Variants in CALN1 observed in about 807,000 individuals in gnomAD.
CALN1 encodes the protein calcium-binding protein 8.
In CALN1, 17 loss-of-function variants were observed where a neutral mutation model predicts 30.6. The observed-to-expected ratio is 0.56, with a 90% CI of 0.38 to 0.83. The LOEUF is 0.83. Among genes scored for constraint, CALN1 ranks in the 40% least tolerant of loss-of-function variants. The probability of loss-of-function intolerance (pLI) is 0.00; values close to 1 mark genes in which losing one functional copy is unlikely to be tolerated. For missense variants in CALN1, 291 were observed against 354.9 expected (o/e 0.82, Z 1.45); for synonymous variants, 156 against 131.4 (o/e 1.19, Z -1.28).
chr7:72,205,195 T>G lies in CALN1; in HGVS notation c.244+73491A>C, dbSNP rs545034786. Among the ~76,000 whole-genome samples, 9 of 152,026 alleles carry G rather than the reference T, an allele frequency of 5.9e-5. No homozygotes were observed. In the South Asian group the frequency reaches 1.9e-3, roughly 32 times the overall value. On this transcript the variant is annotated intron_variant, in intron 3 of 6. Coordinates refer to ENST00000395275, the MANE Select transcript of CALN1 (RefSeq NM_031468.4). ...CTTTCCTCAGTTTTTTTGTTTTTATTTTTGCTTTTCTTTTGTTTTGTTTTT... is the reference window on the plus strand; with the variant it reads ...CTTTCCTCAGTTTTTTTGTTTTTATGTTTGCTTTTCTTTTGTTTTGTTTTT...
intron 4 of CALN1, among the ~76,000 whole-genome samples, chr7:72,032,158 A>C (rs943670477): frequency 6.9e-6 from 1 of 145,378 alleles, no homozygotes; most frequent in African/African-American, 2.6e-5. Flanking sequence ...TCCTGGGTTC[A>C]CGCCATTCTC....
chr7:71,941,407 C>G (rs10271976), intron 5 of CALN1, among the ~76,000 whole-genome samples: 1 of 151,420 alleles, frequency 6.6e-6, no homozygotes, highest in Non-Finnish European at 1.5e-5. Flanking sequence ...AGTTAACTGA[C>G]GGGGGGAAGA....
intron 4 of CALN1, among the ~76,000 whole-genome samples, chr7:72,041,961 T>C (rs1802159015): frequency 6.6e-6 from 1 of 152,204 alleles, no homozygotes; most frequent in South Asian, 2.1e-4. Context: ...CCATTAAAGC[T>C]ATTTCCTTTA....
chr7:72,182,424 A>G (rs1789877845), intron 3 of CALN1, among the ~76,000 whole-genome samples: 1 of 152,218 alleles, frequency 6.6e-6, no homozygotes, highest in South Asian at 2.1e-4. Context: ...TTAAAAGATG[A>G]CTGAAATTCA....
rs1399906310 is a variant in CALN1 at position 72,147,833 on chromosome 7, TA to T, written c.245-41540del. Among the ~76,000 whole-genome samples the T allele has an allele frequency of 8.7e-5, 13 of 149,276 alleles. No homozygotes were observed. The South Asian group carries it at 2.3e-3, about 27-fold the overall frequency. On this transcript the variant is annotated intron_variant, in intron 3 of 6. Coordinates refer to ENST00000395275, the MANE Select transcript of CALN1 (RefSeq NM_031468.4). ...TGAAGCTGGAAACCATCATTCTCAG[TA>T]AACTATCGCAAGGACAAAAAACCAA...
intron 5 of CALN1, among the ~76,000 whole-genome samples, chr7:71,922,208 ACTTAT>A (rs1298894604): frequency 1.3e-5 from 2 of 152,192 alleles, no homozygotes; most frequent in African/African-American, 2.4e-5. Context: ...TCTTTTAATT[ACTTAT>A]CTTGTCTCTT....
At chr7:72,336,920 C>T in intron 2 of CALN1, 3 of 984,324 alleles carry the variant, frequency 3.0e-6, no homozygotes, top group Non-Finnish European at 3.6e-6. Flanking sequence ...CCGCTCCCCA[C>T]GCGCGCGCCG....
chr7:71,971,953 A>AAAAGAAAG (rs61083921), intron 5 of CALN1, among the ~76,000 whole-genome samples: 3,444 of 72,398 alleles, frequency 0.048, 111 homozygotes, highest in East Asian at 0.11. Context: ...AAAAAAAAAA[A>AAAAGAAAG]AAAGAAAGAA....
At chr7:71,964,392 G>C (rs1173459602) in intron 5 of CALN1, among the ~76,000 whole-genome samples, 1 of 152,150 alleles carries the variant, frequency 6.6e-6, no homozygotes. Flanking sequence ...GCCGTCTGCA[G>C]ACAGCTTGTG....
chr7:72,243,948 G>C (rs561688520), intron 3 of CALN1, among the ~76,000 whole-genome samples: 8 of 152,280 alleles, frequency 5.3e-5, no homozygotes, highest in African/African-American at 1.9e-4. Context: ...AATGCCGACT[G>C]TTCTACCTCT....
At chr7:72,206,359 C>T (rs1387745803) in intron 3 of CALN1, among the ~76,000 whole-genome samples, 1 of 152,206 alleles carries the variant, frequency 6.6e-6, no homozygotes, top group East Asian at 1.9e-4. Flanking sequence ...TTCTTGTCCT[C>T]ATCCTATACA....
chr7:72,358,851 G>A (rs569448026), intron 2 of CALN1, among the ~76,000 whole-genome samples: 38 of 151,944 alleles, frequency 2.5e-4, no homozygotes, highest in African/African-American at 7.7e-4. Context: ...CCAGCTACTC[G>A]GTAGGCTGAG....
chr7:71,916,548 C>T (rs986782849), intron 5 of CALN1, among the ~76,000 whole-genome samples: 1 of 152,084 alleles, frequency 6.6e-6, no homozygotes, highest in African/African-American at 2.4e-5. Flanking sequence ...AGGCCATTAT[C>T]CTCAGCAAAC....
intron 5 of CALN1, among the ~76,000 whole-genome samples, chr7:72,012,483 G>A (rs1047712167): frequency 4.6e-5 from 7 of 152,214 alleles, no homozygotes; most frequent in African/African-American, 1.7e-4. Flanking sequence ...CTGCACTCCA[G>A]CCTGGCAACA....
At chr7:72,165,892 C>T (rs573505551) in intron 3 of CALN1, among the ~76,000 whole-genome samples, 3 of 152,138 alleles carry the variant, frequency 2.0e-5, no homozygotes, top group Admixed American at 1.3e-4. Context: ...ACCCTTGAAC[C>T]GTGATGTTGC....
chr7:72,090,433 A>C (rs1805777532), intron 4 of CALN1, among the ~76,000 whole-genome samples: 1 of 152,202 alleles, frequency 6.6e-6, no homozygotes, highest in Non-Finnish European at 1.5e-5. Flanking sequence ...AAATATTATA[A>C]TGAAAACATC....
chr7:72,496,294 T>C, the CALN1 span, among the ~76,000 whole-genome samples: 9 of 152,202 alleles, frequency 5.9e-5, no homozygotes, highest in Non-Finnish European at 1.2e-4. Context: ...TAATGGAGAA[T>C]GAAAGTAATG....
intron 3 of CALN1, among the ~76,000 whole-genome samples, chr7:72,202,568 C>G (rs1022147706): frequency 2.6e-5 from 4 of 152,176 alleles, no homozygotes; most frequent in Admixed American, 2.6e-4. Flanking sequence ...CTGACCCTGG[C>G]TTTTCCTCTG....
chr7:72,500,269 C>CTTTTTTTTTTTTTTTTTTTTT, the CALN1 span, among the ~76,000 whole-genome samples: 7 of 51,364 alleles, frequency 1.4e-4, 1 homozygote, highest in African/African-American at 1.7e-4. Context: ...TTCGTTCCTT[C>CTTTTTTTTTTTTTTTTTTTTT]TTTTTTTTTT....
Sources: allele counts gnomAD v4.1 joint callset (sites outside exome capture counted in the v4.1 genomes callset), GRCh38; gene constraint gnomAD v4.1.1; transcripts MANE v1.5; gene names NCBI Gene and HGNC (gene_info 2026-07-23, HGNC 2026-07-21).